The following SLC35D1 variants were observed in gnomAD, a reference collection of about 807,000 sequenced individuals.
The protein encoded by SLC35D1 is solute carrier family 35 member D1, also known as nucleotide sugar transporter SLC35D1.
SLC35D1 carries 31 observed loss-of-function variants against 46.7 expected under a neutral mutation model. That is an observed-to-expected ratio of 0.66 (90% CI 0.50 to 0.90). SLC35D1 has a LOEUF of 0.90. Among genes scored for constraint, SLC35D1 ranks in the 40% least tolerant of loss-of-function variants. SLC35D1 has a pLI of 0.00. For synonymous variants in SLC35D1, 195 were observed against 164.6 expected, an observed-to-expected ratio of 1.18 and a Z score of -1.41; for missense variants, 397 against 426.2, an observed-to-expected ratio of 0.93 and a Z score of 0.60.
At chr1:66,976,552 G>T in the SLC35D1 span, 1 of 1,522,704 alleles carries the variant, frequency 6.6e-7, no homozygotes. Context: ...AAGTAACTTT[G>T]TTAAAAAGGA....
chr1:66,986,390 T>G, the SLC35D1 span: 1 of 1,609,952 alleles, frequency 6.2e-7, no homozygotes, highest in Non-Finnish European at 8.5e-7. Context: ...TTATTCTTGT[T>G]TTTCTCACAC....
downstream of SLC35D1, among the ~76,000 whole-genome samples, chr1:66,998,681 T>C (rs2102213602): frequency 6.6e-6 from 1 of 152,342 alleles, no homozygotes; most frequent in Middle Eastern, 3.4e-3. Context: ...TTCTGACATA[T>C]GTTACACAAC....
the SLC35D1 span, among the ~76,000 whole-genome samples, chr1:66,975,301 C>A: frequency 6.6e-6 from 1 of 152,100 alleles, no homozygotes; most frequent in Non-Finnish European, 1.5e-5. Flanking sequence ...TTGAAGCATG[C>A]AGATTGCTTG....
chr1:66,986,544 T>C, the SLC35D1 span: 1 of 1,167,938 alleles, frequency 8.6e-7, no homozygotes, highest in Middle Eastern at 1.9e-4. Flanking sequence ...ACTGAGAAAT[T>C]AGCATTCAGG....
At chr1:67,038,486 A>G (rs1668169363) in intron 8 of SLC35D1, among the ~76,000 whole-genome samples, 1 of 152,140 alleles carries the variant, frequency 6.6e-6, no homozygotes, top group African/African-American at 2.4e-5. Flanking sequence ...AAGAACACCT[A>G]GCAGGGTGTG....
chr1:66,986,475 G>T, the SLC35D1 span: 1 of 1,598,150 alleles, frequency 6.3e-7, no homozygotes. Flanking sequence ...TTAAAATAAA[G>T]CTTCTGTGGT....
At chr1:67,008,461 GA>G (rs1667495945) in intron 11 of SLC35D1, 1 of 1,283,498 alleles carries the variant, frequency 7.8e-7, no homozygotes, top group Non-Finnish European at 1.0e-6. Flanking sequence ...GGAGACACCA[GA>G]AAAAAAAGAC....
intron 7 of SLC35D1, among the ~76,000 whole-genome samples, chr1:67,042,922 G>A (rs1296025285): frequency 6.6e-6 from 1 of 151,968 alleles, no homozygotes; most frequent in African/African-American, 2.4e-5. Context: ...AAACAGCCAG[G>A]CGCGGTGGCT....
chr1:67,044,850 G>T (rs1243159232), intron 7 of SLC35D1, among the ~76,000 whole-genome samples: 1 of 152,152 alleles, frequency 6.6e-6, no homozygotes, highest in Admixed American at 6.5e-5. Flanking sequence ...CCTGCCTATG[G>T]AGTAGCCATT....
At chr1:66,973,570 TAATTTATACTCCA>T in the SLC35D1 span, among the ~76,000 whole-genome samples, 13 of 152,118 alleles carry the variant, frequency 8.5e-5, no homozygotes, top group Non-Finnish European at 1.5e-4. Context: ...ATCAGTCATG[TAATTTATACTCCA>T]AATAGCTTTA....
intron 9 of SLC35D1, 133 bp downstream of exon 9, chr1:67,021,402 C>A: frequency 1.1e-6 from 1 of 940,174 alleles, no homozygotes; most frequent in East Asian, 2.5e-5. Flanking sequence ...ATGAAACCAC[C>A]TGAATCTGGA....
chr1:67,032,184 G>T, intron 8 of SLC35D1: 1 of 704,164 alleles, frequency 1.4e-6, no homozygotes, highest in Non-Finnish European at 1.7e-6. Context: ...CGCTACAGGT[G>T]CCAGTATAAT....
At chr1:67,036,797 T>C (rs972801532) in intron 8 of SLC35D1, among the ~76,000 whole-genome samples, 1 of 151,998 alleles carries the variant, frequency 6.6e-6, no homozygotes, top group African/African-American at 2.4e-5. Context: ...ATATTATTAC[T>C]GTTAAGTAAG....
chr1:67,052,184 C>A, intron 3 of SLC35D1, 105 bp from the exon 4 acceptor site: 2 of 818,016 alleles, frequency 2.4e-6, no homozygotes, highest in Non-Finnish European at 4.2e-6. Context: ...ATTTTTTCCA[C>A]TTAAAACGTA....
chr1:66,975,533 AAAG>A, the SLC35D1 span, among the ~76,000 whole-genome samples: 1 of 142,230 alleles, frequency 7.0e-6, no homozygotes, highest in African/African-American at 2.5e-5. Flanking sequence ...CTCAAAAAAA[AAAG>A]AAAAAGAAAG....
At chr1:66,976,503 C>T in the SLC35D1 span, 5 of 1,271,250 alleles carry the variant, frequency 3.9e-6, no homozygotes, top group South Asian at 1.5e-5. Context: ...CAGTTAAGGA[C>T]TAGCCAAATT....
chr1:67,006,096 C>T (rs1428121403), intron 11 of SLC35D1, among the ~76,000 whole-genome samples: 2 of 152,244 alleles, frequency 1.3e-5, no homozygotes, highest in East Asian at 1.9e-4. Flanking sequence ...GCTATCCTCC[C>T]GCCTCTACCT....
downstream of SLC35D1, among the ~76,000 whole-genome samples, chr1:66,995,367 C>A (rs1375411271): frequency 7.1e-6 from 1 of 141,708 alleles, no homozygotes; most frequent in Non-Finnish European, 1.5e-5. Flanking sequence ...AGTATACAAT[C>A]CAAATACTGC....
In SLC35D1 at chr1:67,053,873, G is replaced by A. The variant is rs770375874; in HGVS notation, c.141C>T (p.Gly47=). 5 of 1,613,578 alleles carry A rather than the reference G, an allele frequency of 3.1e-6. No homozygotes were observed. Among genetic ancestry groups the A allele is most frequent in the East Asian group, 2.2e-5 (1 of 44,860 alleles). Residue 47 remains glycine, a synonymous_variant, in exon 1 of 12, where the codon GGC becomes GGT. Transcript: ENST00000235345. ...TCAGGAAGGAGCTCACGCCGTAAAA[G>A]CCGGCGGCCAGCAGCTTCAGAAACA... is the stretch of plus-strand genomic sequence containing the variant. ...LTVFLKLLAA[G]FYGVSSFLIV...
Sources: allele counts gnomAD v4.1 joint callset (sites outside exome capture counted in the v4.1 genomes callset), GRCh38; gene constraint gnomAD v4.1.1; transcripts MANE v1.5; gene names NCBI Gene and HGNC (gene_info 2026-07-23, HGNC 2026-07-21).